The following CACNA1H variants were observed in gnomAD, a reference collection of about 807,000 sequenced individuals.
CACNA1H encodes the protein voltage-dependent T-type calcium channel subunit alpha-1H.
CACNA1H carries 149 observed loss-of-function variants against 192.5 expected under a neutral mutation model. The ratio of observed to expected loss-of-function variants is 0.77; its 90% CI spans 0.68 to 0.89. The LOEUF is 0.89. Ranked by LOEUF, CACNA1H falls within the 40% of genes least tolerant of loss-of-function variation. The pLI is 0.00. For synonymous variants in CACNA1H, 2,202 were observed against 1,475.2 expected (o/e 1.49, Z -11.29); for missense variants, 4,257 against 3,423.5 (o/e 1.24, Z -6.08).
At chr16:1,188,404 G>A (rs1333293714) in intron 2 of CACNA1H, among the ~76,000 whole-genome samples, 6 of 152,140 alleles carry the variant, frequency 3.9e-5, no homozygotes, top group African/African-American at 1.4e-4. Context: ...GGGCTCAGTC[G>A]GCACTGTTTG....
chr16:1,196,978 C>T (rs1967060308), intron 5 of CACNA1H, among the ~76,000 whole-genome samples: 1 of 152,244 alleles, frequency 6.6e-6, no homozygotes, highest in South Asian at 2.1e-4. Context: ...TTTCTGGCTG[C>T]CTGACCTGGG....
intron 2 of CACNA1H, among the ~76,000 whole-genome samples, chr16:1,188,055 G>T (rs28619952): frequency 2.6e-5 from 4 of 152,208 alleles, no homozygotes. Context: ...AGATGAAATA[G>T]CCCTTTTGTA....
rs200606995 is a variant in CACNA1H, at chr16:1,220,653, G to A, written c.6721G>A (p.Gly2241Arg). ...GGAGCCCACAGAGGGCTCAGGCGCC[G>A]GGGGGGACCCTGCAGCCAAGGGGGA... ...SLEPTEGSGA[G>R]GDPAAKGERW... is the part of the protein sequence containing the mutation. The change falls in exon 35 of 35, where the codon GGG becomes AGG. Residue 2241 changes from glycine (G) to arginine (R), a missense_variant. Physicochemically the swap from Gly to Arg is moderately radical, Grantham distance 125. Transcript: ENST00000348261. 6.4e-4 allele frequency: 1,021 copies of A among 1,599,998 alleles called. No homozygotes were observed. The highest frequency in any genetic ancestry group is 1.7e-3 in the Admixed American group (96 of 58,168).
At chr16:1,169,605 C>G (rs1964161006) in intron 2 of CACNA1H, among the ~76,000 whole-genome samples, 1 of 152,246 alleles carries the variant, frequency 6.6e-6, no homozygotes, top group Non-Finnish European at 1.5e-5. Flanking sequence ...TCGCCTCCGC[C>G]CATCAGCCGG....
intron 2 of CACNA1H, among the ~76,000 whole-genome samples, chr16:1,192,681 C>T (rs1245781774): frequency 1.3e-5 from 2 of 152,100 alleles, no homozygotes; most frequent in African/African-American, 4.8e-5. Context: ...CCAGGTAGCC[C>T]CCTAGCCTAG....
intron 2 of CACNA1H, among the ~76,000 whole-genome samples, chr16:1,158,807 C>T (rs930610225): frequency 6.6e-6 from 1 of 152,054 alleles, no homozygotes; most frequent in East Asian, 1.9e-4. Context: ...CACCCCCGGC[C>T]CCGCAGGGCG....
intron 2 of CACNA1H, among the ~76,000 whole-genome samples, chr16:1,190,180 G>A (rs752374571): frequency 3.9e-5 from 6 of 152,348 alleles, no homozygotes; most frequent in East Asian, 1.9e-4. Flanking sequence ...CCGTTCTGCC[G>A]CCCTGCAGCC....
intron 6 of CACNA1H, chr16:1,199,000 A>ATGGTGCAGT: frequency 2.1e-6 from 1 of 474,730 alleles, no homozygotes; most frequent in South Asian, 2.2e-5. Context: ...GGCTCCGCCC[A>ATGGTGCAGT]CGGTGCAGTC....
Position 1,166,699 on chromosome 16 carries a change from G to A in CACNA1H, c.299+12663G>A, listed in dbSNP as rs923840414. Among the ~76,000 whole-genome samples the A allele has an allele frequency of 3.3e-5, 5 of 152,112 alleles. No individual in the cohort carries two copies. In the East Asian group the frequency reaches 9.7e-4, roughly 29 times the overall value. On this transcript the variant is annotated intron_variant, in intron 2 of 34. Coordinates refer to ENST00000348261, the MANE Select transcript of CACNA1H (RefSeq NM_021098.3). Reference sequence around the variant, plus strand: ...CTGTATATGGGATCCCACGTGGTGTGGACTCCTGCACCGGCTTCTCTCGAG... The same window carrying A: ...CTGTATATGGGATCCCACGTGGTGTAGACTCCTGCACCGGCTTCTCTCGAG...
chr16:1,176,151 C>T (rs530127301), intron 2 of CACNA1H, among the ~76,000 whole-genome samples: 86 of 152,366 alleles, frequency 5.6e-4, no homozygotes, highest in African/African-American at 1.8e-3. Context: ...TTGGGAATTT[C>T]AGCCTAACCC....
chr16:1,173,330 G>T (rs1474834787), intron 2 of CACNA1H, among the ~76,000 whole-genome samples: 2 of 152,150 alleles, frequency 1.3e-5, no homozygotes, highest in African/African-American at 4.8e-5. Context: ...GTAGTGGGAT[G>T]CCCTTCCGGA....
At chr16:1,213,092 G>T (rs1308163199) in intron 26 of CACNA1H, among the ~76,000 whole-genome samples, 1 of 152,246 alleles carries the variant, frequency 6.6e-6, no homozygotes, top group Non-Finnish European at 1.5e-5. Flanking sequence ...GTGCACACCT[G>T]CCTGGGGGAC....
rs1482111903 is a variant in CACNA1H, at chr16:1,218,614, G to A, written c.5850G>A (p.Glu1950=). ...ASAPHPRPLQ[E]VEMETYGAGT... ...CGCCCCACCCCCGCCCGCTGCAGGAGGTGGAGATGGAGACCTATGGGGCCG... is the reference window on the plus strand; with the variant it reads ...CGCCCCACCCCCGCCCGCTGCAGGAAGTGGAGATGGAGACCTATGGGGCCG... The change falls in exon 33 of 35, where the codon GAG becomes GAA. Residue 1950 remains glutamate (E), a synonymous_variant. Coordinates refer to ENST00000348261, the MANE Select transcript of CACNA1H (RefSeq NM_021098.3). 3 of 1,563,404 alleles carry A rather than the reference G, an allele frequency of 1.9e-6. No homozygotes were observed. Among genetic ancestry groups the A allele is most frequent in the Admixed American group, 1.9e-5 (1 of 52,752 alleles).
chr16:1,211,917 G>A (rs372796522), intron 24 of CACNA1H, 29 bp from the exon 25 acceptor site: 1 of 1,612,166 alleles, frequency 6.2e-7, no homozygotes, highest in Admixed American at 1.7e-5. Flanking sequence ...GGGGCAGGCG[G>A]GCGGGGACCC....
At position 1,170,777 on chromosome 16, in the gene CACNA1H, A is replaced by G. The variant is rs566433358; in HGVS notation, c.299+16741A>G. 6.3e-4 allele frequency among the ~76,000 whole-genome samples: 96 copies of G among 152,282 alleles called. 2 individuals carry two copies. In the South Asian group the frequency reaches 0.019, roughly 31 times the overall value. On this transcript the variant is annotated intron_variant, in intron 2 of 34. Coordinates refer to ENST00000348261, the MANE Select transcript of CACNA1H (RefSeq NM_021098.3). ...GAGGAAGAGGCCAGGAGACCAGGGC[A>G]TGATGGGGCAGCTCCCCACTGCACC...
In CACNA1H at chr16:1,216,977, G is replaced by T. The variant is rs780241250; in HGVS notation, c.5290G>T (p.Ala1764Ser). ...TTTCATGCTCCTGTTTTTTATCTAT[G>T]CTGCGCTGGGAGTGGAGCTGTTCGG... ...LLFMLLFFIYAALGVELFGRL... is the reference protein window; with the variant it reads ...LLFMLLFFIYSALGVELFGRL... The change falls in exon 31 of 35, where the codon GCT becomes TCT. Residue 1764 changes from alanine to serine, a missense_variant. Coordinates refer to ENST00000348261, the MANE Select transcript of CACNA1H (RefSeq NM_021098.3). 6.2e-7 allele frequency: 1 copy of T among 1,601,924 alleles called. No individual in the cohort carries two copies. The highest frequency in any genetic ancestry group is 8.5e-7 in the Non-Finnish European group (1 of 1,174,504).
chr16:1,165,010 G>C (rs867461147), intron 2 of CACNA1H, among the ~76,000 whole-genome samples: 1 of 152,182 alleles, frequency 6.6e-6, no homozygotes, highest in African/African-American at 2.4e-5. Flanking sequence ...ATTTGTCTCC[G>C]TGGGGTTCTG....
At chr16:1,209,982 G>T in intron 17 of CACNA1H, 53 bp from the exon 18 acceptor site, 1 of 1,382,216 alleles carries the variant, frequency 7.2e-7, no homozygotes, top group Non-Finnish European at 9.9e-7. Context: ...GGCCCTGATG[G>T]GGGGCCGGGC....
rs1482144283 is a variant in CACNA1H, at chr16:1,215,268, T to G, written c.5066T>G (p.Val1689Gly). 1.2e-6 allele frequency: 2 copies of G among 1,606,784 alleles called. No homozygotes were observed. The highest frequency in any genetic ancestry group is 1.7e-6 in the Non-Finnish European group (2 of 1,177,068). The change falls in exon 29 of 35, where the codon GTG (valine) becomes GGG (glycine). Residue 1689 changes from valine to glycine, a missense_variant. Physicochemically the swap from Val to Gly is moderately radical, Grantham distance 109. Transcript: ENST00000348261. Reference protein sequence around the residue: ...DRWNQLDLAIVLLSLMGITLE... With the variant: ...DRWNQLDLAIGLLSLMGITLE... ...TGGAACCAGCTGGACCTGGCCATCG[T>G]GCTGCTGTCACTCATGGGCATCACG...
Sources: gnomAD v4.1 joint callset for allele counts (sites outside exome capture counted in the v4.1 genomes callset) on GRCh38, gnomAD v4.1.1 for gene constraint, MANE v1.5 for transcripts, NCBI Gene and HGNC (gene_info 2026-07-23, HGNC 2026-07-21) for gene names.